Variants in SRSF11 observed in about 807,000 individuals in gnomAD.
SRSF11 encodes the protein serine and arginine rich splicing factor 11, also known as serine/arginine-rich splicing factor 11.
In SRSF11, 9 loss-of-function variants were observed where a neutral mutation model predicts 56.0. The ratio of observed to expected loss-of-function variants is 0.16; its 90% CI spans 0.10 to 0.28. SRSF11 has a LOEUF of 0.28. Among genes scored for constraint, SRSF11 ranks in the 10% least tolerant of loss-of-function variants. SRSF11 has a pLI of 1.00. For synonymous variants in SRSF11, 222 were observed against 215.3 expected (o/e 1.03, Z -0.27); for missense variants, 421 against 600.7 (o/e 0.70, Z 3.13).
At position 70,221,771 on chromosome 1, in the gene SRSF11, C is replaced by T; in HGVS notation, c.135C>T (p.Ser45=). The part of the protein sequence containing the change: ...IQVTNVSPSA[S]SEQMRTLFGF... The stretch of plus-strand genomic sequence containing the variant: ...TGACTAATGTCTCCCCGAGCGCTAG[C>T]TCTGAGCAGATGCGGACTCTCTTCG... Residue 45 remains serine (S), a synonymous_variant, in exon 1 of 12, where the codon AGC becomes AGT. Coordinates refer to ENST00000370949, the MANE Select transcript of SRSF11 (RefSeq NM_001350605.2). 6.2e-7 allele frequency: 1 copy of T among 1,614,176 alleles called. No homozygotes were observed.
At chr1:70,221,890 C>G (rs1404210413) in intron 1 of SRSF11, 51 bp downstream of exon 1, 2 of 1,605,262 alleles carry the variant, frequency 1.2e-6, no homozygotes, top group East Asian at 2.2e-5. Flanking sequence ...TCAGCCTGGG[C>G]CTAACACACA....
chr1:70,252,713 A>C lies in SRSF11; in HGVS notation c.*1908A>C, dbSNP rs778364873. 6.6e-6 allele frequency: 1 copy of C among 152,102 alleles called. No homozygotes were observed. The highest frequency in any genetic ancestry group is 1.5e-5 in the Non-Finnish European group (1 of 68,044). The allele number at this position is 152,102 out of a possible 1,614,324, so 9.4% of individuals were successfully genotyped here. On this transcript the variant is annotated 3_prime_UTR_variant, in exon 12 of 12. Transcript: ENST00000370949. ...GTAGATAAAAGGTGAACCATGTGAC[A>C]TGGGCATTTTTGTAAGTCAAAAACA...
rs1165220761 is a variant in SRSF11 at position 70,228,468 on chromosome 1, C to T, written c.250C>T (p.His84Tyr). Residue 84 changes from histidine (H) to tyrosine (Y), a missense_variant, in exon 2 of 12, where the codon CAT becomes TAT. His to Tyr is a moderately conservative substitution (Grantham distance 83). Transcript: ENST00000370949. ...VSSRVCFVKF[H>Y]DPDSAVVAQH... is the part of the protein sequence containing the mutation. Reference sequence around the variant, plus strand: ...ATCTCGTGTCTGCTTTGTTAAGTTCCATGATCCAGACTCAGCAGTTGTGGC... The same window carrying T: ...ATCTCGTGTCTGCTTTGTTAAGTTCTATGATCCAGACTCAGCAGTTGTGGC... The T allele has an allele frequency of 1.9e-6, 3 of 1,613,076 alleles. No homozygotes were observed. In the Admixed American group the frequency reaches 5.0e-5, roughly 27 times the overall value.
chr1:70,234,340 ATAAT>A (rs1673479062), intron 3 of SRSF11, among the ~76,000 whole-genome samples: 2 of 152,232 alleles, frequency 1.3e-5, no homozygotes, highest in African/African-American at 4.8e-5. Context: ...GAAGCAATAA[ATAAT>A]TAAAATCAGC....
intron 3 of SRSF11, among the ~76,000 whole-genome samples, chr1:70,233,803 G>C (rs1194600265): frequency 6.6e-6 from 1 of 152,108 alleles, no homozygotes. Context: ...ATTACATTAT[G>C]GATTAATCAG....
intron 1 of SRSF11, among the ~76,000 whole-genome samples, chr1:70,224,366 A>G (rs1671314822): frequency 1.3e-5 from 2 of 152,152 alleles, no homozygotes; most frequent in African/African-American, 2.4e-5. Context: ...TTAATCAGAG[A>G]AAACTTCCCA....
intron 1 of SRSF11, among the ~76,000 whole-genome samples, chr1:70,209,144 A>G (rs1213505977): frequency 1.3e-5 from 2 of 152,232 alleles, no homozygotes; most frequent in Non-Finnish European, 2.9e-5. Context: ...CAAAGGGTAC[A>G]GTTTTGTTTC....
intron 2 of SRSF11, 23 bp downstream of exon 2, chr1:70,228,578 T>C (rs1343208076): frequency 6.2e-7 from 1 of 1,605,476 alleles, no homozygotes; most frequent in Non-Finnish European, 8.5e-7. Context: ...TTTAACTACC[T>C]ATGTGGGCAT....
At chr1:70,245,800 T>C (rs1242770082) in intron 8 of SRSF11, among the ~76,000 whole-genome samples, 1 of 152,212 alleles carries the variant, frequency 6.6e-6, no homozygotes. Flanking sequence ...GTTCACACTA[T>C]GCACTTGATC....
At chr1:70,211,067 C>T (rs1367179899) in intron 1 of SRSF11, among the ~76,000 whole-genome samples, 1 of 152,050 alleles carries the variant, frequency 6.6e-6, no homozygotes, top group Non-Finnish European at 1.5e-5. Flanking sequence ...GATTATTACT[C>T]ATAACCTTTA....
intron 1 of SRSF11, among the ~76,000 whole-genome samples, chr1:70,211,603 C>T (rs1669568521): frequency 6.6e-6 from 1 of 152,130 alleles, no homozygotes; most frequent in Admixed American, 6.5e-5. Context: ...CATATTTATA[C>T]TCACAATTTG....
At chr1:70,205,832 T>TAA in intron 1 of SRSF11, 1 of 286,638 alleles carries the variant, frequency 3.5e-6, no homozygotes, top group East Asian at 5.9e-5. Context: ...TTGTTTGCAC[T>TAA]GTTACTGCGA....
chr1:70,238,070 G>T (rs1252093217), intron 6 of SRSF11, among the ~76,000 whole-genome samples: 1 of 152,010 alleles, frequency 6.6e-6, no homozygotes, highest in East Asian at 1.9e-4. Flanking sequence ...TATGGCCCTG[G>T]ATTTTCTTTC....
At chr1:70,224,266 C>T (rs183598570) in intron 1 of SRSF11, among the ~76,000 whole-genome samples, 1 of 152,076 alleles carries the variant, frequency 6.6e-6, no homozygotes, top group Non-Finnish European at 1.5e-5. Flanking sequence ...TATGATTTCC[C>T]CCAAGAAGGC....
At chr1:70,224,929 C>A (rs550237965) in intron 1 of SRSF11, among the ~76,000 whole-genome samples, 3 of 152,108 alleles carry the variant, frequency 2.0e-5, no homozygotes, top group Non-Finnish European at 4.4e-5. Flanking sequence ...TCCTTACAAA[C>A]CTGGAGGAAA....
Position 70,232,265 on chromosome 1 carries a change from C to T in SRSF11, c.338-3C>T, listed in dbSNP as rs1027361993. 2 of 1,614,040 alleles carry T rather than the reference C, an allele frequency of 1.2e-6. No homozygotes were observed. Among genetic ancestry groups the T allele is most frequent in the Non-Finnish European group, 1.7e-6 (2 of 1,180,028 alleles). On this transcript the variant is annotated splice_region_variant and splice_polypyrimidine_tract_variant and intron_variant, in intron 2 of 11. Coordinates refer to ENST00000370949, the MANE Select transcript of SRSF11 (RefSeq NM_001350605.2). ...GTTCTAATGCAAGGATGTTTCTCTG[C>T]AGGAGTTATTCCTGATGAAGCTAAA...
At chr1:70,215,395 C>G (rs1263488640) in intron 1 of SRSF11, among the ~76,000 whole-genome samples, 1 of 152,170 alleles carries the variant, frequency 6.6e-6, no homozygotes, top group African/African-American at 2.4e-5. Context: ...CCTTAGTATA[C>G]TTTATTGATA....
Position 70,228,402 on chromosome 1 carries a change from G to C in SRSF11, c.204-20G>C. The stretch of plus-strand genomic sequence containing the variant: ...AACTGCTATTCTGTTTCTCTTTTAT[G>C]TTATTTGTTTATTTTTTAGTGATTC... On this transcript the variant is annotated intron_variant, in intron 1 of 11. Transcript: ENST00000370949. 6.3e-7 allele frequency: 1 copy of C among 1,578,558 alleles called. No homozygotes were observed. Among genetic ancestry groups the C allele is most frequent in the Non-Finnish European group, 8.7e-7 (1 of 1,151,642 alleles).
At chr1:70,222,485 A>G (rs1253594599) in intron 1 of SRSF11, among the ~76,000 whole-genome samples, 2 of 152,198 alleles carry the variant, frequency 1.3e-5, no homozygotes, top group African/African-American at 2.4e-5. Flanking sequence ...TAAATGTTGA[A>G]ATTTGAATTA....
Sources: allele counts gnomAD v4.1 joint callset (sites outside exome capture counted in the v4.1 genomes callset), GRCh38; gene constraint gnomAD v4.1.1; transcripts MANE v1.5; gene names NCBI Gene and HGNC (gene_info 2026-07-23, HGNC 2026-07-21).